ABCA8: variants seen among roughly 807,000 people sequenced by gnomAD.
ABCA8 encodes the protein ATP binding cassette subfamily A member 8.
ABCA8 carries 177 observed loss-of-function variants against 192.3 expected under a neutral mutation model. The ratio of observed to expected loss-of-function variants is 0.92; its 90% CI spans 0.81 to 1.04. The LOEUF (loss-of-function observed/expected upper bound fraction) is 1.04. ABCA8 is among the 50% of genes least tolerant of loss of function. The pLI, the probability that ABCA8 is intolerant of heterozygous loss-of-function variation, is 0.00. For missense variants in ABCA8, 1,915 were observed against 1,904.8 expected (o/e 1.01, Z -0.10); for synonymous variants, 642 against 690.2 (o/e 0.93, Z 1.09).
intron 17 of ABCA8, 136 bp from the exon 18 acceptor site, chr17:68,908,015 A>G (rs2067128469): frequency 3.7e-6 from 3 of 821,034 alleles, no homozygotes; most frequent in African/African-American, 3.6e-5. Flanking sequence ...GACAAACACA[A>G]AATAAGAGGA....
At position 68,935,262 on chromosome 17, in the gene ABCA8, T is replaced by TTGTGTGTGTGTG. The variant is rs71144641; in HGVS notation, c.466+1677_466+1688dup. On this transcript the variant is annotated intron_variant, in intron 5 of 39. Transcript: ENST00000586539. ...GGCAGACGCTGCCACGCCTGGCTAA[T>TTGTGTGTGTGTG]TGTGTGTGTGTGTGTGTGTGTGTGT... Among the ~76,000 whole-genome samples, 135 of 136,082 alleles carry TTGTGTGTGTGTG rather than the reference T, an allele frequency of 9.9e-4. 1 individual carries two copies. Among genetic ancestry groups the TTGTGTGTGTGTG allele is most frequent in the East Asian group, 3.2e-3 (15 of 4,690 alleles). The allele number at this position is 136,082 out of a possible 152,430, so 89.3% of individuals were successfully genotyped here. A position where few individuals can be genotyped will look rare whatever the true frequency, so the allele number is the denominator to read the frequency against.
chr17:68,892,205 T>G (rs991210), intron 23 of ABCA8, among the ~76,000 whole-genome samples: 64,509 of 152,020 alleles, frequency 0.42, 14,265 homozygotes, highest in East Asian at 0.58. Context: ...TTCATGATTC[T>G]CATAGTTGCT....
At chr17:68,909,867 A>G (rs568300752) in intron 17 of ABCA8, among the ~76,000 whole-genome samples, 32 of 152,318 alleles carry the variant, frequency 2.1e-4, no homozygotes, top group African/African-American at 7.0e-4. Flanking sequence ...TATAGATGGT[A>G]TAAATTTACA....
chr17:68,939,626 G>A (rs998030493), intron 4 of ABCA8, among the ~76,000 whole-genome samples: 2 of 152,038 alleles, frequency 1.3e-5, no homozygotes, highest in African/African-American at 4.8e-5. Flanking sequence ...ACCAACCTGT[G>A]AATGAAGCCA....
chr17:68,887,953 TGGA>T (rs1598203680), intron 24 of ABCA8, among the ~76,000 whole-genome samples: 1 of 74,374 alleles, frequency 1.3e-5, no homozygotes, highest in East Asian at 5.0e-4. Context: ...ATTATATATA[TGGA>T]TATATATACA....
At position 68,902,696 on chromosome 17, in the gene ABCA8, A is replaced by T. The variant is rs771181765; in HGVS notation, c.2764+17T>A. On this transcript the variant is annotated intron_variant, in intron 21 of 39. Coordinates refer to ENST00000586539, the MANE Select transcript of ABCA8 (RefSeq NM_001288985.2). ...GAACAGTAAATGTATTTGGAAATCA[A>T]GTATCCACCATTTTACCTGTTTTAT... 4 of 1,602,274 alleles carry T rather than the reference A, an allele frequency of 2.5e-6. No homozygotes were observed. Among genetic ancestry groups the T allele is most frequent in the South Asian group, 2.2e-5 (2 of 90,406 alleles).
chr17:68,887,925 T>TATATATATTATATATGGATA, intron 24 of ABCA8, among the ~76,000 whole-genome samples: 8 of 101,026 alleles, frequency 7.9e-5, no homozygotes, highest in African/African-American at 2.0e-4. Context: ...TATATATATA[T>TATATATATTATATATGGATA]TATATATGGA....
Position 68,903,319 on chromosome 17 carries a change from C to A in ABCA8, c.2579G>T (p.Arg860Ile), listed in dbSNP as rs749341795. ...RVRLLKLKHE[R>I]KALLALLLIL... ...TACTTACAGTGCTAAAAGAGCTTTT[C>A]TTTCATGCTTTAACTTTAACAAGCG... Residue 860 changes from arginine (R) to isoleucine (I), a missense_variant, in exon 20 of 40, where the codon AGA (arginine) becomes ATA (isoleucine). Transcript: ENST00000586539. 6.2e-7 allele frequency: 1 copy of A among 1,614,142 alleles called. No homozygotes were observed. The highest frequency in any genetic ancestry group is 1.3e-5 in the African/African-American group (1 of 75,036).
At chr17:68,869,886 A>ACG in intron 37 of ABCA8, 107 bp from the exon 38 acceptor site, 2 of 758,200 alleles carry the variant, frequency 2.6e-6, no homozygotes, top group Admixed American at 2.2e-5. Context: ...TGGTGTTAGG[A>ACG]ACATTTAACA....
At chr17:68,933,338 T>A (rs1170301977) in intron 5 of ABCA8, 67 bp from the exon 6 acceptor site, 35 of 1,046,692 alleles carry the variant, frequency 3.3e-5, no homozygotes, top group Non-Finnish European at 4.6e-5. Context: ...ATGATTTTAA[T>A]ACTGATTATA....
rs968328036 is a variant in ABCA8, at chr17:68,922,134, A to C, written c.1501+108T>G. The stretch of plus-strand genomic sequence containing the variant: ...CCACCACTAATTAATCACCGAAAGC[A>C]AAACTGAATTAAAATCAGGAAATCA... On this transcript the variant is annotated intron_variant, in intron 12 of 39. Transcript: ENST00000586539. The C allele has an allele frequency of 4.4e-5, 36 of 814,856 alleles. 2 individuals carry two copies. Among genetic ancestry groups the C allele is most frequent in the Non-Finnish European group, 6.1e-5 (36 of 594,380 alleles). 50.5% of individuals were successfully genotyped at this position (814,856 alleles called of 1,614,324 possible).
rs749620966 is a variant in ABCA8, at chr17:68,921,438, C to G, written c.1556G>C (p.Gly519Ala). Reference sequence around the variant, plus strand: ...GTTTAGCAGTGTTGACTTTCCAGCTCCACTGTGACCAAGTATTGCAGTGAT... The same window carrying G: ...GTTTAGCAGTGTTGACTTTCCAGCTGCACTGTGACCAAGTATTGCAGTGAT... The part of the protein sequence containing the change: ...GQITAILGHS[G>A]AGKSTLLNIL... The change falls in exon 13 of 40, where the codon GGA (glycine) becomes GCA (alanine). Residue 519 changes from glycine (G) to alanine (A), a missense_variant. Physicochemically the swap from Gly to Ala is moderately conservative, Grantham distance 60 (BLOSUM62 0). Transcript: ENST00000586539. The G allele has an allele frequency of 1.2e-6, 2 of 1,610,728 alleles. No homozygotes were observed. The highest frequency in any genetic ancestry group is 3.3e-5 in the Admixed American group (2 of 59,976).
At chr17:68,915,859 GA>G (rs548188196) in intron 17 of ABCA8, among the ~76,000 whole-genome samples, 1 of 152,164 alleles carries the variant, frequency 6.6e-6, no homozygotes, top group South Asian at 2.1e-4. Flanking sequence ...CGAGAGCCGA[GA>G]TTTGGAAGCA....
rs1234534565 is a variant in ABCA8, at chr17:68,887,073, A to C, written c.3373T>G (p.Phe1125Val). ...SLIFMTYVISFIFRKGRKNSG... is the reference protein window; with the variant it reads ...SLIFMTYVISVIFRKGRKNSG... ...TTTTTTCTCCCCTTGCGAAAGATGA[A>C]GGAAATCACGTATGTCATGAAGATG... Residue 1125 changes from phenylalanine to valine, a missense_variant, in exon 26 of 40, where the codon TTC (phenylalanine) becomes GTC (valine). Phe to Val is a conservative substitution (Grantham distance 50). Transcript: ENST00000586539. The C allele has an allele frequency of 6.2e-7, 1 of 1,613,298 alleles. No homozygotes were observed. The highest frequency in any genetic ancestry group is 2.2e-5 in the East Asian group (1 of 44,778).
At chr17:68,902,587 G>C in intron 21 of ABCA8, 126 bp downstream of exon 21, 1 of 743,952 alleles carries the variant, frequency 1.3e-6, no homozygotes. Context: ...TTATCTTTAA[G>C]TTTCATAAAT....
chr17:68,906,386 T>G (rs944683227), intron 18 of ABCA8, among the ~76,000 whole-genome samples: 1 of 152,190 alleles, frequency 6.6e-6, no homozygotes, highest in Middle Eastern at 3.2e-3. Flanking sequence ...TGTCAAACAT[T>G]AATTTATATT....
Position 68,922,229 on chromosome 17 carries a change from T to TAA in ABCA8, c.1501+12_1501+13insTT. 2.1e-6 allele frequency: 1 copy of TAA among 467,192 alleles called. No individual in the cohort carries two copies. 28.9% of individuals were successfully genotyped at this position (467,192 alleles called of 1,614,324 possible). ...TTTTTTTTTTTTTTTTTTTTTTTTT[T>TAA]TTTTTTTTTTACCTTTCAAGGCTTC... On this transcript the variant is annotated intron_variant, in intron 12 of 39. Coordinates refer to ENST00000586539, the MANE Select transcript of ABCA8 (RefSeq NM_001288985.2).
intron 32 of ABCA8, chr17:68,880,748 C>T (rs537579595): frequency 3.9e-6 from 1 of 255,160 alleles, no homozygotes; most frequent in African/African-American, 2.3e-5. Context: ...CTTGCTCACA[C>T]ACCCATCACC....
Position 68,928,525 on chromosome 17 carries a change from T to C in ABCA8, c.1126-462A>G, listed in dbSNP as rs141278883. 1.4e-3 allele frequency among the ~76,000 whole-genome samples: 206 copies of C among 152,330 alleles called. 1 individual carries two copies. The highest frequency in any genetic ancestry group is 4.7e-3 in the African/African-American group (194 of 41,576). ...AGCTCTTTATAATTAACAATCCTTT[T>C]GTTAAACACTAAATAATGGATATTT... On this transcript the variant is annotated intron_variant, in intron 9 of 39. Transcript: ENST00000586539.
Sources: allele counts gnomAD v4.1 joint callset (sites outside exome capture counted in the v4.1 genomes callset), GRCh38; gene constraint gnomAD v4.1.1; transcripts MANE v1.5; gene names NCBI Gene and HGNC (gene_info 2026-07-23, HGNC 2026-07-21).